Variants in GOLPH3L observed in about 807,000 individuals in gnomAD.
The protein encoded by GOLPH3L is golgi phosphoprotein 3 like.
In GOLPH3L, 22 loss-of-function variants were observed where a neutral mutation model predicts 30.3. That is an observed-to-expected ratio of 0.73 (90% CI 0.52 to 1.04). The LOEUF is 1.04. Ranked by LOEUF, GOLPH3L falls within the 50% of genes least tolerant of loss-of-function variation. The pLI is 0.00. For synonymous variants in GOLPH3L, 120 were observed against 128.2 expected, an observed-to-expected ratio of 0.94 and a Z score of 0.43; for missense variants, 303 against 345.8, an observed-to-expected ratio of 0.88 and a Z score of 0.98.
At chr1:150,679,190 T>A (rs1261036023) in intron 2 of GOLPH3L, among the ~76,000 whole-genome samples, 1 of 152,172 alleles carries the variant, frequency 6.6e-6, no homozygotes, top group Non-Finnish European at 1.5e-5. Flanking sequence ...ATTTGTCACA[T>A]AAGCATAAAT....
At chr1:150,657,238 C>T (rs1328346763) in intron 4 of GOLPH3L, among the ~76,000 whole-genome samples, 1 of 152,214 alleles carries the variant, frequency 6.6e-6, no homozygotes, top group Non-Finnish European at 1.5e-5. Flanking sequence ...GCTCATAAAC[C>T]TCTTCCCGGA....
chr1:150,653,455 C>CTT (rs71086589), intron 4 of GOLPH3L, among the ~76,000 whole-genome samples: 3 of 62,638 alleles, frequency 4.8e-5, no homozygotes, highest in Non-Finnish European at 6.5e-5. Flanking sequence ...TTGAAAGCAA[C>CTT]TTTTTTTTTT....
Position 150,649,963 on chromosome 1 carries a change from A to G in GOLPH3L, c.431-1215T>C, listed in dbSNP as rs1027548905. Among the ~76,000 whole-genome samples, 7 of 152,156 alleles carry G rather than the reference A, an allele frequency of 4.6e-5. No homozygotes were observed. The South Asian group carries it at 1.0e-3, about 23-fold the overall frequency. On this transcript the variant is annotated intron_variant, in intron 4 of 4. Transcript: ENST00000271732. ...GATTGTACCACTGCACTCCAGCCTG[A>G]GTGACAGAGTGAGACTTCATCTCAA...
intron 2 of GOLPH3L, among the ~76,000 whole-genome samples, chr1:150,680,243 C>T (rs1650919196): frequency 6.6e-6 from 1 of 152,142 alleles, no homozygotes; most frequent in East Asian, 1.9e-4. Context: ...ATCACCAGTA[C>T]CCAGAGAGAG....
intron 2 of GOLPH3L, among the ~76,000 whole-genome samples, chr1:150,667,550 C>T (rs587659636): frequency 6.6e-6 from 1 of 151,670 alleles, no homozygotes; most frequent in East Asian, 1.9e-4. Flanking sequence ...CAAAACAAAA[C>T]AAAACAAAAG....
chr1:150,664,896 G>A (rs587682781), intron 2 of GOLPH3L, among the ~76,000 whole-genome samples: 1 of 152,054 alleles, frequency 6.6e-6, no homozygotes, highest in African/African-American at 2.4e-5. Flanking sequence ...TTGTTATGAG[G>A]GTTACATGAG....
chr1:150,693,836 T>TAC lies in GOLPH3L; in HGVS notation c.183+819_183+820insGT, dbSNP rs1557791409. ...GTGTGTGTGTATATATATATATATATATATATATATATTTTTTTTTTTTTT... is the reference window on the plus strand; with the variant it reads ...GTGTGTGTGTATATATATATATATATACATATATATATATTTTTTTTTTTTTT... On this transcript the variant is annotated intron_variant, in intron 2 of 4. Coordinates refer to ENST00000271732, the MANE Select transcript of GOLPH3L (RefSeq NM_018178.6). Among the ~76,000 whole-genome samples the TAC allele has an allele frequency of 1.4e-3, 139 of 100,140 alleles. 1 individual carries two copies. Among genetic ancestry groups the TAC allele is most frequent in the South Asian group, 7.4e-3 (25 of 3,356 alleles). The allele number at this position is 100,140 out of a possible 152,430, so 65.7% of individuals were successfully genotyped here. A position where few individuals can be genotyped will look rare whatever the true frequency, so the allele number is the denominator to read the frequency against.
intron 2 of GOLPH3L, among the ~76,000 whole-genome samples, chr1:150,681,882 C>T (rs975567121): frequency 6.6e-6 from 1 of 151,884 alleles, no homozygotes; most frequent in South Asian, 2.1e-4. Context: ...GCCTGGCCAA[C>T]GTGGCAAAGC....
At chr1:150,678,933 G>C (rs184012113) in intron 2 of GOLPH3L, among the ~76,000 whole-genome samples, 2 of 152,076 alleles carry the variant, frequency 1.3e-5, no homozygotes, top group African/African-American at 2.4e-5. Flanking sequence ...AGGGAGCAAG[G>C]CTCCGTCTCA....
At chr1:150,671,177 G>A (rs1264532958) in intron 2 of GOLPH3L, among the ~76,000 whole-genome samples, 6 of 152,050 alleles carry the variant, frequency 3.9e-5, no homozygotes, top group Admixed American at 3.3e-4. Flanking sequence ...AGGAGGCAGA[G>A]GCTGCAGGGA....
chr1:150,675,325 A>G (rs986119201), intron 2 of GOLPH3L, among the ~76,000 whole-genome samples: 1 of 152,100 alleles, frequency 6.6e-6, no homozygotes, highest in African/African-American at 2.4e-5. Context: ...CACATTGTAG[A>G]AAATTTGAAA....
chr1:150,694,942 G>A, intron 1 of GOLPH3L, 92 bp from the exon 2 acceptor site: 1 of 699,000 alleles, frequency 1.4e-6, no homozygotes. Flanking sequence ...CATACAAATA[G>A]GAAATATTTA....
In GOLPH3L at chr1:150,663,783, A is replaced by G. The variant is rs1650430719; in HGVS notation, c.184-20T>C. On this transcript the variant is annotated intron_variant, in intron 2 of 4. Coordinates refer to ENST00000271732, the MANE Select transcript of GOLPH3L (RefSeq NM_018178.6). ...GTACCCCTAGGAAAGGAGAAAAGAG[A>G]AGAGAAAGAATGTTTTGAGAGGAAT... 6.2e-7 allele frequency: 1 copy of G among 1,608,976 alleles called. No homozygotes were observed. Among genetic ancestry groups the G allele is most frequent in the Non-Finnish European group, 8.5e-7 (1 of 1,176,500 alleles).
Position 150,679,370 on chromosome 1 carries a change from A to C in GOLPH3L, c.183+15286T>G, listed in dbSNP as rs369412919. On this transcript the variant is annotated intron_variant, in intron 2 of 4. Coordinates refer to ENST00000271732, the MANE Select transcript of GOLPH3L (RefSeq NM_018178.6). ...AATTCTAGATTAAAGTTGAAAATGA[A>C]ATCTAGAATTTAGTCTTCTGGCAGA... Among the ~76,000 whole-genome samples the C allele has an allele frequency of 5.9e-5, 9 of 152,212 alleles. No homozygotes were observed. In the East Asian group the frequency reaches 9.6e-4, roughly 16 times the overall value.
At chr1:150,649,126 C>T (rs1330276330) in intron 4 of GOLPH3L, among the ~76,000 whole-genome samples, 2 of 152,164 alleles carry the variant, frequency 1.3e-5, no homozygotes, top group African/African-American at 4.8e-5. Context: ...ACTGAGGTTC[C>T]CTACCCTATT....
chr1:150,677,068 A>AT (rs1650822328), intron 2 of GOLPH3L, among the ~76,000 whole-genome samples: 1 of 147,592 alleles, frequency 6.8e-6, no homozygotes, highest in Admixed American at 6.7e-5. Flanking sequence ...ATTTTATTTT[A>AT]TTATTTATTT....
intron 2 of GOLPH3L, among the ~76,000 whole-genome samples, chr1:150,692,343 T>C (rs1258895171): frequency 6.6e-6 from 1 of 152,200 alleles, no homozygotes; most frequent in Non-Finnish European, 1.5e-5. Flanking sequence ...TTAACTATCC[T>C]CAAAAATAAA....
intron 4 of GOLPH3L, among the ~76,000 whole-genome samples, chr1:150,655,233 T>C (rs944591039): frequency 1.3e-5 from 2 of 152,208 alleles, no homozygotes. Context: ...GCCGTCTGCG[T>C]GGCCAATTCA....
At chr1:150,694,562 A>C in intron 2 of GOLPH3L, 94 bp downstream of exon 2, 2 of 761,608 alleles carry the variant, frequency 2.6e-6, no homozygotes, top group Admixed American at 3.0e-5. Context: ...TTCTAAGACC[A>C]ATTTATTATT....
Sources: allele counts gnomAD v4.1 joint callset (sites outside exome capture counted in the v4.1 genomes callset), GRCh38; gene constraint gnomAD v4.1.1; transcripts MANE v1.5; gene names NCBI Gene and HGNC (gene_info 2026-07-23, HGNC 2026-07-21).